The following SFMBT2 variants were observed in gnomAD, a reference collection of about 807,000 sequenced individuals.
SFMBT2 encodes the protein Scm like with four mbt domains 2, also known as scm-like with four MBT domains protein 2.
SFMBT2 carries 38 observed loss-of-function variants against 110.1 expected under a neutral mutation model. That is an observed-to-expected ratio of 0.35 (90% CI 0.27 to 0.45). The LOEUF (loss-of-function observed/expected upper bound fraction) is 0.45, where lower values mean the gene tolerates loss of function less well. Ranked by LOEUF, SFMBT2 falls within the 20% of genes least tolerant of loss-of-function variation. The probability of loss-of-function intolerance (pLI) is 1.00; values close to 1 mark genes in which losing one functional copy is unlikely to be tolerated. For missense variants in SFMBT2, 1,011 were observed against 1,094.9 expected, an observed-to-expected ratio of 0.92 and a Z score of 1.08; for synonymous variants, 425 against 425.4, an observed-to-expected ratio of 1.00 and a Z score of 0.01.
intron 4 of SFMBT2, 37 bp from the exon 5 acceptor site, chr10:7,285,991 C>CAA (rs567627886): frequency 1.2e-6 from 1 of 838,080 alleles, no homozygotes; most frequent in South Asian, 1.4e-5. Flanking sequence ...CAAAACAAAA[C>CAA]AAAAAAAACA....
At chr10:7,322,552 C>T (rs34507293) in intron 4 of SFMBT2, among the ~76,000 whole-genome samples, 1,916 of 151,726 alleles carry the variant, frequency 0.013, 16 homozygotes, top group Non-Finnish European at 0.02. Flanking sequence ...TTTAGAAATT[C>T]TAGAAGGAAT....
intron 2 of SFMBT2, among the ~76,000 whole-genome samples, chr10:7,376,379 G>C (rs974560011): frequency 1.3e-4 from 20 of 151,988 alleles, no homozygotes; most frequent in African/African-American, 4.6e-4. Flanking sequence ...TACAGGACTT[G>C]GGTGTCGGTT....
chr10:7,286,099 G>A (rs1219433573), intron 4 of SFMBT2, 145 bp from the exon 5 acceptor site: 1 of 608,550 alleles, frequency 1.6e-6, no homozygotes, highest in Non-Finnish European at 3.0e-6. Flanking sequence ...TCATCACCAT[G>A]CTTAAGTAAA....
intron 8 of SFMBT2, among the ~76,000 whole-genome samples, chr10:7,247,503 A>G (rs1840657411): frequency 1.3e-5 from 2 of 152,222 alleles, no homozygotes; most frequent in Admixed American, 1.3e-4. Context: ...AAAGCATTTC[A>G]TTTTTATAAC....
At chr10:7,332,670 A>T (rs1843599418) in intron 4 of SFMBT2, among the ~76,000 whole-genome samples, 1 of 152,214 alleles carries the variant, frequency 6.6e-6, no homozygotes, top group Admixed American at 6.5e-5. Context: ...AGGAAAAAAA[A>T]ATTATTTCAC....
chr10:7,257,424 A>G (rs1006926172), intron 7 of SFMBT2, among the ~76,000 whole-genome samples: 2 of 152,182 alleles, frequency 1.3e-5, no homozygotes, highest in Non-Finnish European at 2.9e-5. Context: ...GGAGTGAACC[A>G]TCGCTGCGGG....
intron 4 of SFMBT2, among the ~76,000 whole-genome samples, chr10:7,317,558 T>C (rs1045834882): frequency 3.4e-5 from 5 of 147,836 alleles, no homozygotes; most frequent in African/African-American, 1.3e-4. Context: ...GGAGAACCAC[T>C]TGAACTCAGG....
chr10:7,225,688 G>C (rs1839879345), intron 10 of SFMBT2, among the ~76,000 whole-genome samples: 1 of 152,126 alleles, frequency 6.6e-6, no homozygotes, highest in African/African-American at 2.4e-5. Context: ...ACAGAGGACT[G>C]ATAAAAAGAA....
At chr10:7,332,087 C>T (rs1340824581) in intron 4 of SFMBT2, among the ~76,000 whole-genome samples, 3 of 151,712 alleles carry the variant, frequency 2.0e-5, no homozygotes, top group Admixed American at 1.3e-4. Flanking sequence ...CATCTACCGC[C>T]GAAGTCATCT....
chr10:7,175,072 G>A (rs183062740), intron 17 of SFMBT2, among the ~76,000 whole-genome samples: 4 of 152,354 alleles, frequency 2.6e-5, no homozygotes, highest in Admixed American at 6.5e-5. Context: ...GTTGACAAAC[G>A]TCACAAGTGA....
At chr10:7,287,315 G>C in intron 4 of SFMBT2, 1 of 173,854 alleles carries the variant, frequency 5.8e-6, no homozygotes, top group Non-Finnish European at 1.1e-5. Flanking sequence ...TCCTGACCTC[G>C]TGATCCACCC....
rs1007148985 is a variant in SFMBT2 at position 7,368,280 on chromosome 10, T to C, written c.196-391A>G. 1.6e-5 allele frequency: 15 copies of C among 954,350 alleles called. No individual in the cohort carries two copies. In the African/African-American group the frequency reaches 2.5e-4, roughly 16 times the overall value. 59.1% of individuals were successfully genotyped at this position (954,350 alleles called of 1,614,324 possible). A position where few individuals can be genotyped will look rare whatever the true frequency, so the allele number is the denominator to read the frequency against. ...CATCTGAATGTGGACTACACGGTTTTCAAGGACTCACAGGACCACATGATA... is the reference window on the plus strand; with the variant it reads ...CATCTGAATGTGGACTACACGGTTTCCAAGGACTCACAGGACCACATGATA... On this transcript the variant is annotated intron_variant, in intron 3 of 20. Transcript: ENST00000397167.
chr10:7,191,819 T>G (rs1838609038), intron 15 of SFMBT2, among the ~76,000 whole-genome samples: 1 of 152,212 alleles, frequency 6.6e-6, no homozygotes, highest in Non-Finnish European at 1.5e-5. Context: ...ATTAGTTCAA[T>G]AATTTCAATA....
At position 7,163,695 on chromosome 10, in the gene SFMBT2, A is replaced by C. The variant is rs1286865938; in HGVS notation, c.*75T>G. The C allele has an allele frequency of 1.5e-6, 2 of 1,367,782 alleles. No homozygotes were observed. The highest frequency in any genetic ancestry group is 2.9e-5 in the African/African-American group (2 of 69,318). The allele number at this position is 1,367,782 out of a possible 1,614,324, so 84.7% of individuals were successfully genotyped here. On this transcript the variant is annotated 3_prime_UTR_variant, in exon 21 of 21. Transcript: ENST00000397167. This position sits in a 1 kb window ranked among gnomAD's most constrained non-coding sequence, Gnocchi z 4.8. ...CTGTACCATTTAACATATCCCGGAA[A>C]ATCAAAGTTTCAGTCCTGGAAACCT...
intron 4 of SFMBT2, among the ~76,000 whole-genome samples, chr10:7,302,923 T>C (rs1290304510): frequency 6.6e-6 from 1 of 152,210 alleles, no homozygotes; most frequent in African/African-American, 2.4e-5. Flanking sequence ...TCCTAAGGTT[T>C]TGTCTTCTAT....
Position 7,207,389 on chromosome 10 carries a change from A to G in SFMBT2, c.1331-1461T>C, listed in dbSNP as rs144655346. 5.5e-3 allele frequency among the ~76,000 whole-genome samples: 828 copies of G among 149,674 alleles called. 29 individuals are homozygous for G. Among genetic ancestry groups the G allele is most frequent in the Admixed American group, 0.047 (694 of 14,828 alleles). On this transcript the variant is annotated intron_variant, in intron 11 of 20. Coordinates refer to ENST00000397167, the MANE Select transcript of SFMBT2 (RefSeq NM_001387889.1). ...GGAAGAAAGGAAGGAAGGAAGAAAG[A>G]AAGAAAGAGAGAAAGGAAAGAAAGA...
In SFMBT2 at chr10:7,171,106, G is replaced by T. The variant is rs142664169; in HGVS notation, c.2416-50C>A. On this transcript the variant is annotated intron_variant, in intron 19 of 20. Coordinates refer to ENST00000397167, the MANE Select transcript of SFMBT2 (RefSeq NM_001387889.1). This position sits in a 1 kb window ranked among gnomAD's most constrained non-coding sequence, Gnocchi z 4.9. ...TCAGCTGCGGCACAGTCAGCTGGCT[G>T]GGTCCTCTCCAGCACTCTCCAGGCC... is the stretch of plus-strand genomic sequence containing the variant. The T allele has an allele frequency of 0.011, 17,165 of 1,612,460 alleles. 121 individuals are homozygous for T. Among genetic ancestry groups the T allele is most frequent in the Non-Finnish European group, 0.012 (14,684 of 1,179,542 alleles).
At chr10:7,340,382 C>T (rs771392753) in intron 4 of SFMBT2, among the ~76,000 whole-genome samples, 1 of 152,006 alleles carries the variant, frequency 6.6e-6, no homozygotes, top group South Asian at 2.1e-4. Flanking sequence ...ACTTCAAATT[C>T]GTGTTGTTCA....
Position 7,232,066 on chromosome 10 carries a change from A to T in SFMBT2, c.1121-4129T>A, listed in dbSNP as rs546240393. On this transcript the variant is annotated intron_variant, in intron 9 of 20. Transcript: ENST00000397167. ...AAAATGAAAGGAAATAAAACCCCTT[A>T]GGCAATTAAACTTTGCAGCAAGCTT... is the stretch of plus-strand genomic sequence containing the variant. Among the ~76,000 whole-genome samples, 3 of 152,340 alleles carry T rather than the reference A, an allele frequency of 2.0e-5. No individual in the cohort carries two copies. In the South Asian group the frequency reaches 6.2e-4, roughly 32 times the overall value.
Sources: gnomAD v4.1 joint callset for allele counts (sites outside exome capture counted in the v4.1 genomes callset) on GRCh38, gnomAD v4.1.1 for gene constraint, Gnocchi (gnomAD v3.1) non-coding constraint, MANE v1.5 for transcripts, NCBI Gene and HGNC (gene_info 2026-07-23, HGNC 2026-07-21) for gene names.